Variants in IGSF22 observed in about 807,000 individuals in gnomAD.
The protein encoded by IGSF22 is immunoglobulin superfamily member 22.
IGSF22 carries 119 observed loss-of-function variants against 127.0 expected under a neutral mutation model. The ratio of observed to expected loss-of-function variants is 0.94; its 90% CI spans 0.81 to 1.09. The LOEUF (loss-of-function observed/expected upper bound fraction) is 1.09. IGSF22 is among the 50% of genes least tolerant of loss of function. The pLI is 0.00. For synonymous variants in IGSF22, 568 were observed against 664.7 expected (o/e 0.85, Z 2.24); for missense variants, 1,518 against 1,716.6 (o/e 0.88, Z 2.04).
chr11:18,718,848 TAAC>T, intron 7 of IGSF22, 120 bp from the exon 8 acceptor site: 3 of 673,052 alleles, frequency 4.5e-6, no homozygotes, highest in Non-Finnish European at 8.1e-6. Context: ...GCTCATTAGA[TAAC>T]AACGTGCAGT....
intron 7 of IGSF22, among the ~76,000 whole-genome samples, chr11:18,719,246 G>A (rs1261928588): frequency 6.6e-6 from 1 of 152,128 alleles, no homozygotes; most frequent in East Asian, 1.9e-4. Context: ...CTGGGTTCAA[G>A]CAATTCTCCT....
At chr11:18,718,363 A>G (rs1389115027) in intron 8 of IGSF22, among the ~76,000 whole-genome samples, 1 of 152,196 alleles carries the variant, frequency 6.6e-6, no homozygotes, top group Non-Finnish European at 1.5e-5. Flanking sequence ...GTGACCTTCA[A>G]GACTGTCTAA....
chr11:18,714,183 T>C (rs1848412985), intron 13 of IGSF22, 35 bp from the exon 14 acceptor site: 5 of 1,597,252 alleles, frequency 3.1e-6, no homozygotes, highest in Non-Finnish European at 4.3e-6. Flanking sequence ...GCTTGAGCAT[T>C]GGCATGGAGG....
rs1159116682 is a variant in IGSF22, at chr11:18,720,215, A to G, written c.449T>C (p.Ile150Thr). Reference sequence around the variant, plus strand: ...TGTTACCAGCAGAGATACGGTATAGATGGCATCTGCATGGTCATTGCTTGC... The same window carrying G: ...TGTTACCAGCAGAGATACGGTATAGGTGGCATCTGCATGGTCATTGCTTGC... ...CIASNDHADA[I>T]YTVSLLVTEG... Residue 150 changes from isoleucine (I) to threonine (T), a missense_variant, in exon 5 of 23, where the codon ATC becomes ACC. By Grantham distance (89) the Ile-to-Thr change is moderately conservative. This residue lies in a region of IGSF22 where 1,456 missense variants were observed against 1,644.9 expected (regional missense o/e 0.89). Coordinates refer to ENST00000513874, the MANE Select transcript of IGSF22 (RefSeq NM_173588.4). The G allele has an allele frequency of 6.2e-7, 1 of 1,614,080 alleles. No homozygotes were observed. Among genetic ancestry groups the G allele is most frequent in the African/African-American group, 1.3e-5 (1 of 74,942 alleles).
At chr11:18,706,187 G>C (rs1261446105) in intron 21 of IGSF22, 41 bp from the exon 22 acceptor site, 1 of 1,498,274 alleles carries the variant, frequency 6.7e-7, no homozygotes. Flanking sequence ...GGCGCCCCAA[G>C]GCCCCCACCC....
intron 4 of IGSF22, 91 bp from the exon 5 acceptor site, chr11:18,720,376 A>C: frequency 1.3e-6 from 1 of 780,818 alleles, no homozygotes; most frequent in Non-Finnish European, 2.1e-6. Flanking sequence ...TTTTTTTTTT[A>C]GGGGACAATA....
At chr11:18,714,730 G>A (rs1019956911) in intron 11 of IGSF22, 106 bp from the exon 12 acceptor site, 151 of 1,409,154 alleles carry the variant, frequency 1.1e-4, no homozygotes, top group Admixed American at 4.5e-4. Flanking sequence ...GGGGTGCTGC[G>A]TCAATCAAAA....
rs1439560634 is a variant in IGSF22, at chr11:18,714,026, A to G, written c.1921T>C (p.Trp641Arg). ...FRGKPLPKVT[W>R]YKDGMEVTEE... ...GTCACTTCCATGCCATCCTTGTACC[A>G]TGTCACTTTGGGCAGTGGTTTTCCC... Residue 641 changes from tryptophan (W) to arginine (R), a missense_variant, in exon 14 of 23, where the codon TGG becomes CGG. This residue lies in a region of IGSF22 where 1,456 missense variants were observed against 1,644.9 expected (regional missense o/e 0.89). Coordinates refer to ENST00000513874, the MANE Select transcript of IGSF22 (RefSeq NM_173588.4). 6.2e-7 allele frequency: 1 copy of G among 1,614,258 alleles called. No individual in the cohort carries two copies. The highest frequency in any genetic ancestry group is 2.2e-5 in the East Asian group (1 of 44,890).
chr11:18,725,587 C>T (rs1029519867), intron 1 of IGSF22, among the ~76,000 whole-genome samples: 2 of 152,098 alleles, frequency 1.3e-5, no homozygotes, highest in Non-Finnish European at 2.9e-5. Flanking sequence ...ACTACAGGCA[C>T]CCGCCATCAC....
chr11:18,712,373 G>C lies in IGSF22; in HGVS notation c.2107C>G (p.Pro703Ala). Residue 703 changes from proline to alanine, a missense_variant, in exon 15 of 23, where the codon CCT becomes GCT. By Grantham distance (27) the Pro-to-Ala change is conservative. Coordinates refer to ENST00000513874, the MANE Select transcript of IGSF22 (RefSeq NM_173588.4). ...AGGAACTCCACCCGGCCCTGTGGAG[G>C]CTTTGGACGGTCTGGGGACAGAGAA... ...LHLSVLDRPK[P>A]PQGRVEFLEL... 6.4e-7 allele frequency: 1 copy of C among 1,550,508 alleles called. No individual in the cohort carries two copies. Among genetic ancestry groups the C allele is most frequent in the Middle Eastern group, 1.7e-4 (1 of 5,992 alleles).
intron 22 of IGSF22, 79 bp from the exon 23 acceptor site, chr11:18,704,617 C>T: frequency 1.1e-6 from 1 of 890,136 alleles, no homozygotes; most frequent in Non-Finnish European, 1.8e-6. Context: ...ACTTCCTATG[C>T]AGGAAACCAG....
In IGSF22 at chr11:18,704,490, T is replaced by C; in HGVS notation, c.3959A>G (p.Lys1320Arg). Residue 1320 changes from lysine (K) to arginine (R), a missense_variant, in exon 23 of 23, where the codon AAG (lysine) becomes AGG (arginine). Physicochemically the swap from Lys to Arg is conservative, Grantham distance 26. Coordinates refer to ENST00000513874, the MANE Select transcript of IGSF22 (RefSeq NM_173588.4). The part of the protein sequence containing the change: ...VVASITESLQ[K>R]KSKHLM ...AGCTCACATGAGGTGCTTTGATTTC[T>C]TCTGCAGACTCTCGGTGATGGATGC... The C allele has an allele frequency of 6.4e-7, 1 of 1,550,972 alleles. No individual in the cohort carries two copies.
Position 18,713,844 on chromosome 11 carries a change from G to A in IGSF22, c.2095+8C>T, listed in dbSNP as rs1283678248. On this transcript the variant is annotated splice_region_variant and intron_variant, in intron 14 of 22. Transcript: ENST00000513874. ...GCTCAGCCCAGCCCGGACTGGCCCT[G>A]CCCTGACCCAGCACACTAAGGTGCA... The A allele has an allele frequency of 2.5e-6, 4 of 1,605,952 alleles. No individual in the cohort carries two copies. Among genetic ancestry groups the A allele is most frequent in the Non-Finnish European group, 3.4e-6 (4 of 1,176,046 alleles).
At chr11:18,714,712 A>C (rs1848428585) in intron 11 of IGSF22, 88 bp from the exon 12 acceptor site, 5 of 1,528,132 alleles carry the variant, frequency 3.3e-6, no homozygotes, top group Non-Finnish European at 4.4e-6. Context: ...TGGTCATGGG[A>C]CTGGTCAGGG....
rs1376277763 is a variant in IGSF22, at chr11:18,718,573, A to G, written c.810+42T>C. ...ACAGTGAGAGAAGGGGGTAGAGAGGAAGAGATATTGCCAAGGTGGACCCTG... is the reference window on the plus strand; with the variant it reads ...ACAGTGAGAGAAGGGGGTAGAGAGGGAGAGATATTGCCAAGGTGGACCCTG... On this transcript the variant is annotated intron_variant, in intron 8 of 22. Coordinates refer to ENST00000513874, the MANE Select transcript of IGSF22 (RefSeq NM_173588.4). 7.5e-6 allele frequency: 8 copies of G among 1,070,730 alleles called. No homozygotes were observed. The South Asian group carries it at 9.9e-5, about 13-fold the overall frequency. 66.3% of individuals were successfully genotyped at this position (1,070,730 alleles called of 1,614,324 possible).
Position 18,713,972 on chromosome 11 carries a change from C to G in IGSF22, c.1975G>C (p.Gly659Arg). 2 of 1,614,270 alleles carry G rather than the reference C, an allele frequency of 1.2e-6. No individual in the cohort carries two copies. The highest frequency in any genetic ancestry group is 1.7e-6 in the Non-Finnish European group (2 of 1,180,052). The change falls in exon 14 of 23, where the codon GGG becomes CGG. Residue 659 changes from glycine (G) to arginine (R), a missense_variant. Gly to Arg is a moderately radical substitution (Grantham distance 125). Coordinates refer to ENST00000513874, the MANE Select transcript of IGSF22 (RefSeq NM_173588.4). ...TEEERVSMER[G>R]EDQALLTISN... ...ATGGTGAGCAGTGCCTGGTCTTCCC[C>G]GCGCTCCATGGACACGCGTTCCTCC...
Position 18,709,809 on chromosome 11 carries a change from A to G in IGSF22, c.2702-126T>C. The G allele has an allele frequency of 1.1e-6, 1 of 924,296 alleles. No individual in the cohort carries two copies. 57.3% of individuals were successfully genotyped at this position (924,296 alleles called of 1,614,324 possible). On this transcript the variant is annotated intron_variant, in intron 17 of 22. Coordinates refer to ENST00000513874, the MANE Select transcript of IGSF22 (RefSeq NM_173588.4). The surrounding 1 kb of genome is among the most constrained non-coding windows in gnomAD (Gnocchi z 4.8). The stretch of plus-strand genomic sequence containing the variant: ...CTTCTAGCTCCAGATCCCTCAGTTA[A>G]CACCCTTAGTACCTAGCCTTATACA...
At position 18,710,448 on chromosome 11, in the gene IGSF22, C is replaced by G. The variant is rs964721316; in HGVS notation, c.2580G>C (p.Lys860Asn). The part of the protein sequence containing the change: ...PVNKDPIQGT[K>N]CTVDGLLEDT... ...CCTCCAGGAGACCATCCACAGTGCA[C>G]TTGGTGCCTGAAATGGGAAGATGAG... Residue 860 changes from lysine (K) to asparagine (N), a missense_variant, in exon 17 of 23, where the codon AAG (lysine) becomes AAC (asparagine). Coordinates refer to ENST00000513874, the MANE Select transcript of IGSF22 (RefSeq NM_173588.4). The G allele has an allele frequency of 9.9e-6, 16 of 1,613,980 alleles. No homozygotes were observed. In the South Asian group the frequency reaches 1.6e-4, roughly 17 times the overall value.
At chr11:18,711,037 A>G (rs1161703988) in intron 15 of IGSF22, among the ~76,000 whole-genome samples, 1 of 152,220 alleles carries the variant, frequency 6.6e-6, no homozygotes, top group Non-Finnish European at 1.5e-5. Context: ...TGGCCTTCCG[A>G]AGTGCTGAGA....
Sources: allele counts gnomAD v4.1 joint callset (sites outside exome capture counted in the v4.1 genomes callset), GRCh38; gene constraint gnomAD v4.1.1; regional missense constraint gnomAD v4.1.1; non-coding constraint Gnocchi (gnomAD v3.1); transcripts MANE v1.5; gene names NCBI Gene and HGNC (gene_info 2026-07-23, HGNC 2026-07-21).